AP3B1: variants seen among roughly 807,000 people sequenced by gnomAD.
AP3B1 encodes AP-3 complex subunit beta-1.
In AP3B1, 61 loss-of-function variants were observed where a neutral mutation model predicts 132.5. That is an observed-to-expected ratio of 0.46 (90% CI 0.37 to 0.57). The LOEUF (loss-of-function observed/expected upper bound fraction) is 0.57, where lower values mean the gene tolerates loss of function less well. Among genes scored for constraint, AP3B1 ranks in the 20% least tolerant of loss-of-function variants. AP3B1 has a pLI of 0.00. For synonymous variants in AP3B1, 388 were observed against 438.3 expected (o/e 0.89, Z 1.43); for missense variants, 1,120 against 1,289.4 (o/e 0.87, Z 2.01).
intron 18 of AP3B1, 97 bp from the exon 19 acceptor site, chr5:78,114,020 G>A (rs1024297575): frequency 5.0e-6 from 7 of 1,406,292 alleles, no homozygotes; most frequent in Non-Finnish European, 6.8e-6. Context: ...GAAACCAGAT[G>A]TTGAATTTTA....
intron 7 of AP3B1, among the ~76,000 whole-genome samples, chr5:78,190,795 C>T (rs1430393337): frequency 2.0e-5 from 3 of 152,166 alleles, no homozygotes; most frequent in African/African-American, 4.8e-5. Flanking sequence ...ATTGCCACTG[C>T]TTCTATTATT....
At chr5:78,278,777 T>G (rs1748910849) in intron 1 of AP3B1, among the ~76,000 whole-genome samples, 1 of 152,122 alleles carries the variant, frequency 6.6e-6, no homozygotes, top group Non-Finnish European at 1.5e-5. Context: ...GGAGTATTAC[T>G]GCCTGAGCTC....
chr5:78,057,729 AATC>A (rs1407813100), intron 22 of AP3B1, among the ~76,000 whole-genome samples: 1 of 151,186 alleles, frequency 6.6e-6, no homozygotes, highest in Non-Finnish European at 1.5e-5. Context: ...TACTATCATA[AATC>A]ATATTTAGTT....
At chr5:78,252,575 A>G (rs1481850692) in intron 2 of AP3B1, among the ~76,000 whole-genome samples, 8 of 152,078 alleles carry the variant, frequency 5.3e-5, no homozygotes, top group Non-Finnish European at 1.0e-4. Flanking sequence ...CTATGGGGGT[A>G]CTCTGGCAGT....
intron 23 of AP3B1, 85 bp from the exon 24 acceptor site, chr5:78,034,530 G>C (rs951728959): frequency 3.1e-5 from 33 of 1,058,292 alleles, no homozygotes; most frequent in Non-Finnish European, 4.4e-5. Flanking sequence ...GGTAATGTTT[G>C]TAGCTTGGTT....
At chr5:78,071,377 G>C (rs575340421) in intron 22 of AP3B1, among the ~76,000 whole-genome samples, 1 of 152,156 alleles carries the variant, frequency 6.6e-6, no homozygotes, top group South Asian at 2.1e-4. Flanking sequence ...ATGGACACAG[G>C]GAATGGAACA....
chr5:78,080,683 C>T (rs575379290), intron 22 of AP3B1, among the ~76,000 whole-genome samples: 1 of 141,490 alleles, frequency 7.1e-6, no homozygotes, highest in East Asian at 2.1e-4. Flanking sequence ...TTTAGAGAAG[C>T]CTACTTTTCA....
intron 25 of AP3B1, chr5:78,015,843 C>A (rs535641341): frequency 5.9e-5 from 21 of 358,638 alleles, no homozygotes; most frequent in South Asian, 5.4e-4. Context: ...CAATTTCAGT[C>A]TCTTTAAAGT....
intron 26 of AP3B1, among the ~76,000 whole-genome samples, chr5:78,009,937 G>T (rs369406816): frequency 6.6e-6 from 1 of 152,174 alleles, no homozygotes. Flanking sequence ...TCTCCTCAGA[G>T]GGTTAATTTG....
At chr5:78,064,628 C>T (rs986038046) in intron 22 of AP3B1, among the ~76,000 whole-genome samples, 1 of 152,118 alleles carries the variant, frequency 6.6e-6, no homozygotes, top group African/African-American at 2.4e-5. Context: ...TTTAGATCTG[C>T]TCTATTGACA....
intron 18 of AP3B1, 49 bp downstream of exon 18, chr5:78,116,077 A>G (rs995015486): frequency 7.4e-7 from 1 of 1,348,168 alleles, no homozygotes; most frequent in Non-Finnish European, 1.1e-6. Context: ...GAGATATAGA[A>G]TGTAATCTAC....
chr5:78,005,640 C>G (rs977113391), intron 26 of AP3B1, among the ~76,000 whole-genome samples: 1 of 152,184 alleles, frequency 6.6e-6, no homozygotes, highest in African/African-American at 2.4e-5. Context: ...AACTAGGTCT[C>G]TATGTTCTAG....
rs552733544 is a variant in AP3B1 at position 78,002,423 on chromosome 5, C to T, written c.*479G>A. On this transcript the variant is annotated 3_prime_UTR_variant, in exon 27 of 27. Coordinates refer to ENST00000255194, the MANE Select transcript of AP3B1 (RefSeq NM_003664.5). ...TTACAATATCAAGAAATTCAAAGAACAAAATCTTGCAGAGACTATGCTTTT... is the reference window on the plus strand; with the variant it reads ...TTACAATATCAAGAAATTCAAAGAATAAAATCTTGCAGAGACTATGCTTTT... 1 of 399,858 alleles carries T rather than the reference C, an allele frequency of 2.5e-6. No individual in the cohort carries two copies. Among genetic ancestry groups the T allele is most frequent in the African/African-American group, 2.1e-5 (1 of 48,704 alleles). 24.8% of individuals were successfully genotyped at this position (399,858 alleles called of 1,614,324 possible). A position where few individuals can be genotyped will look rare whatever the true frequency, so the allele number is the denominator to read the frequency against.
intron 1 of AP3B1, among the ~76,000 whole-genome samples, chr5:78,282,169 CCAA>C (rs1285542184): frequency 6.6e-6 from 1 of 152,098 alleles, no homozygotes; most frequent in Non-Finnish European, 1.5e-5. Context: ...ACCAAGGTCA[CCAA>C]CAACTGCCTT....
chr5:78,280,809 A>G (rs1265590063), intron 1 of AP3B1, among the ~76,000 whole-genome samples: 1 of 152,224 alleles, frequency 6.6e-6, no homozygotes, highest in Non-Finnish European at 1.5e-5. Context: ...TCCCTGATGC[A>G]CTTGGAAATC....
intron 1 of AP3B1, among the ~76,000 whole-genome samples, chr5:78,274,402 T>G (rs1356844393): frequency 1.3e-5 from 2 of 150,044 alleles, no homozygotes; most frequent in African/African-American, 4.9e-5. Context: ...GCATATGAGA[T>G]AAAGGTAAAA....
At chr5:78,210,739 T>A (rs1745698697) in intron 7 of AP3B1, among the ~76,000 whole-genome samples, 1 of 152,176 alleles carries the variant, frequency 6.6e-6, no homozygotes, top group Non-Finnish European at 1.5e-5. Flanking sequence ...CAGGCCCCAG[T>A]GTCAGAGTTT....
intron 1 of AP3B1, 150 bp downstream of exon 1, chr5:78,294,302 C>T (rs1159268291): frequency 4.5e-6 from 5 of 1,102,548 alleles, no homozygotes; most frequent in Non-Finnish European, 6.5e-6. Context: ...CAACCAACCC[C>T]ACCTACCCAC....
chr5:78,281,027 T>G (rs922241809), intron 1 of AP3B1, among the ~76,000 whole-genome samples: 1 of 152,224 alleles, frequency 6.6e-6, no homozygotes, highest in African/African-American at 2.4e-5. Flanking sequence ...ATGAAGGCTA[T>G]GTAGAACCAG....
Sources: allele counts gnomAD v4.1 joint callset (sites outside exome capture counted in the v4.1 genomes callset), GRCh38; gene constraint gnomAD v4.1.1; transcripts MANE v1.5; gene names NCBI Gene and HGNC (gene_info 2026-07-23, HGNC 2026-07-21).